The following EYS variants were observed in gnomAD, a reference collection of about 807,000 sequenced individuals.
EYS encodes the protein protein eyes shut homolog.
In EYS, 250 loss-of-function variants were observed where a neutral mutation model predicts 282.1. The observed-to-expected ratio is 0.89, with a 90% confidence interval of 0.80 to 0.98. EYS has a LOEUF of 0.98. EYS is among the 50% of genes least tolerant of loss of function. The pLI is 0.00. For synonymous variants in EYS, 1,355 were observed against 1,282.9 expected (o/e 1.06, Z -1.20); for missense variants, 4,016 against 3,709.0 (o/e 1.08, Z -2.15).
At chr6:65,320,142 A>G (rs1454447305) in intron 11 of EYS, among the ~76,000 whole-genome samples, 1 of 151,994 alleles carries the variant, frequency 6.6e-6, no homozygotes, top group Non-Finnish European at 1.5e-5. Flanking sequence ...CTAAGGATGC[A>G]ATGCAGGAAA....
intron 12 of EYS, among the ~76,000 whole-genome samples, chr6:65,152,137 C>T (rs1372379593): frequency 6.6e-6 from 1 of 151,874 alleles, no homozygotes; most frequent in Non-Finnish European, 1.5e-5. Context: ...CTCATGTCAC[C>T]ATCATTGTCA....
At chr6:64,154,440 C>CAAAAAA (rs397819570) in intron 31 of EYS, among the ~76,000 whole-genome samples, 6 of 59,478 alleles carry the variant, frequency 1.0e-4, no homozygotes, top group African/African-American at 2.5e-4. Context: ...AACTCCGTCT[C>CAAAAAA]AAAAAAAAAA....
At chr6:63,768,920 G>T (rs769436836) in intron 40 of EYS, among the ~76,000 whole-genome samples, 7 of 152,060 alleles carry the variant, frequency 4.6e-5, no homozygotes, top group Admixed American at 2.6e-4. Context: ...GTCCTTTGAA[G>T]AAACATGAAT....
chr6:65,541,934 TAGA>T, intron 2 of EYS, among the ~76,000 whole-genome samples: 1 of 152,242 alleles, frequency 6.6e-6, no homozygotes, highest in East Asian at 1.9e-4. Flanking sequence ...CCTGGAATGA[TAGA>T]AGGTTTGATT....
Position 64,230,742 on chromosome 6 carries a change from A to G in EYS, c.6274T>C (p.Ser2092Pro). Reference protein sequence around the residue: ...VTQGVDTMWTSVSPSVAAPSV... With the variant: ...VTQGVDTMWTPVSPSVAAPSV... ...GGTGCTGCAACAGAGGGGCTGACAG[A>G]AGTCCACATGGTATCAACCCCTTGT... is the stretch of plus-strand genomic sequence containing the variant. The change falls in exon 31 of 43, where the codon TCT (serine) becomes CCT (proline). Residue 2092 changes from serine to proline, a missense_variant. By Grantham distance (74) the Ser-to-Pro change is moderately conservative. Coordinates refer to ENST00000503581, the MANE Select transcript of EYS (RefSeq NM_001142800.2). 6.4e-7 allele frequency: 1 copy of G among 1,551,640 alleles called. No individual in the cohort carries two copies. Among genetic ancestry groups the G allele is most frequent in the Non-Finnish European group, 8.7e-7 (1 of 1,146,912 alleles).
intron 26 of EYS, among the ~76,000 whole-genome samples, chr6:64,479,526 C>T (rs577808551): frequency 3.6e-4 from 55 of 152,118 alleles, no homozygotes; most frequent in Non-Finnish European, 7.1e-4. Flanking sequence ...CTGGGCAATG[C>T]ATCATTCCCT....
intron 24 of EYS, among the ~76,000 whole-genome samples, chr6:64,598,026 A>G (rs1162388): frequency 0.12 from 18,582 of 152,250 alleles, 1,168 homozygotes; most frequent in East Asian, 0.17. Context: ...TGCGTCAACT[A>G]AAAATAAAAG....
At chr6:65,575,416 T>G (rs1361537631) in intron 2 of EYS, among the ~76,000 whole-genome samples, 1 of 151,246 alleles carries the variant, frequency 6.6e-6, no homozygotes, top group Non-Finnish European at 1.5e-5. Context: ...AAACACAACA[T>G]ATTCAAAATT....
intron 33 of EYS, among the ~76,000 whole-genome samples, chr6:64,038,294 A>C (rs2149835176): frequency 6.6e-6 from 1 of 152,262 alleles, no homozygotes; most frequent in Middle Eastern, 3.4e-3. Context: ...ATTTTCTTGA[A>C]AAATGCTAAG....
chr6:64,017,854 G>C (rs868368141), intron 33 of EYS, among the ~76,000 whole-genome samples: 6 of 152,110 alleles, frequency 3.9e-5, no homozygotes, highest in African/African-American at 1.4e-4. Flanking sequence ...AAACCTCTGG[G>C]CAATTTACTT....
At chr6:64,110,629 G>A (rs573514123) in intron 31 of EYS, among the ~76,000 whole-genome samples, 1 of 152,060 alleles carries the variant, frequency 6.6e-6, no homozygotes, top group East Asian at 1.9e-4. Context: ...AATGGGTATG[G>A]GAGAGATTTA....
At chr6:65,399,572 T>C (rs1393178046) in intron 7 of EYS, among the ~76,000 whole-genome samples, 1 of 152,030 alleles carries the variant, frequency 6.6e-6, no homozygotes, top group Non-Finnish European at 1.5e-5. Flanking sequence ...TACAGAAATA[T>C]TTGATTTTCT....
At chr6:65,224,856 A>G (rs1317384172) in intron 12 of EYS, among the ~76,000 whole-genome samples, 3 of 152,190 alleles carry the variant, frequency 2.0e-5, no homozygotes, top group Non-Finnish European at 4.4e-5. Flanking sequence ...ACTACCAAAA[A>G]TGAGTCAGGA....
chr6:64,952,498 T>C (rs1178987206), intron 14 of EYS, among the ~76,000 whole-genome samples: 1 of 151,996 alleles, frequency 6.6e-6, no homozygotes, highest in African/African-American at 2.4e-5. Flanking sequence ...AATGTTCTCA[T>C]ATACTGTGAC....
chr6:65,428,424 A>G (rs1428116378), intron 5 of EYS, among the ~76,000 whole-genome samples: 1 of 152,180 alleles, frequency 6.6e-6, no homozygotes, highest in Non-Finnish European at 1.5e-5. Context: ...ATTATGTGCC[A>G]ATCATTGCTA....
intron 2 of EYS, among the ~76,000 whole-genome samples, chr6:65,583,171 T>A (rs551844765): frequency 6.6e-6 from 1 of 152,216 alleles, no homozygotes; most frequent in South Asian, 2.1e-4. Flanking sequence ...AAAATCTTTT[T>A]AATTCCCTTC....
chr6:64,973,542 T>C (rs779971673), intron 14 of EYS, among the ~76,000 whole-genome samples: 1 of 152,028 alleles, frequency 6.6e-6, no homozygotes, highest in African/African-American at 2.4e-5. Context: ...AAGGAAGAGA[T>C]TGTGTATTGT....
chr6:65,594,171 T>C (rs1454117740), intron 2 of EYS, among the ~76,000 whole-genome samples: 1 of 152,056 alleles, frequency 6.6e-6, no homozygotes, highest in Non-Finnish European at 1.5e-5. Context: ...GTGATTACCA[T>C]GTGCTAGGCA....
intron 33 of EYS, among the ~76,000 whole-genome samples, chr6:64,018,368 T>C (rs1180668369): frequency 6.6e-6 from 1 of 151,192 alleles, no homozygotes; most frequent in Non-Finnish European, 1.5e-5. Context: ...GGGTTTTTTG[T>C]TGTTGTTGTT....
Sources: gnomAD v4.1 joint callset for allele counts (sites outside exome capture counted in the v4.1 genomes callset) on GRCh38, gnomAD v4.1.1 for gene constraint, MANE v1.5 for transcripts, NCBI Gene and HGNC (gene_info 2026-07-23, HGNC 2026-07-21) for gene names.